The following EFCAB11 variants were observed in gnomAD, a reference collection of about 807,000 sequenced individuals.
EFCAB11 encodes EF-hand calcium binding domain 11.
In EFCAB11, 14 loss-of-function variants were observed where a neutral mutation model predicts 23.0. The observed-to-expected ratio is 0.61, with a 90% CI of 0.40 to 0.95. The LOEUF is 0.95. Ranked by LOEUF, EFCAB11 falls within the 40% of genes least tolerant of loss-of-function variation. The pLI is 0.00. For synonymous variants in EFCAB11, 65 were observed against 66.6 expected (o/e 0.98, Z 0.11); for missense variants, 198 against 195.8 (o/e 1.01, Z -0.07).
intron 5 of EFCAB11, among the ~76,000 whole-genome samples, chr14:89,885,400 C>T (rs996066321): frequency 4.1e-4 from 63 of 152,076 alleles, no homozygotes; most frequent in African/African-American, 1.4e-3. Context: ...ACCCAGCCAG[C>T]GGGCGTGGTG....
upstream of EFCAB11, chr14:89,954,762 C>A (rs1596477509): frequency 6.7e-7 from 1 of 1,495,148 alleles, no homozygotes; most frequent in South Asian, 1.3e-5. Context: ...GCTCAGGAAG[C>A]CGAACTTCAC....
chr14:89,918,064 T>G (rs1041878523), intron 5 of EFCAB11, among the ~76,000 whole-genome samples: 1 of 151,992 alleles, frequency 6.6e-6, no homozygotes. Flanking sequence ...AGGTACTTAG[T>G]TGGGGAGAGC....
At chr14:89,876,843 A>G (rs1938116735) in intron 5 of EFCAB11, among the ~76,000 whole-genome samples, 1 of 152,204 alleles carries the variant, frequency 6.6e-6, no homozygotes, top group Admixed American at 6.5e-5. Context: ...CCCAACCAAC[A>G]CTGAATGAAG....
At chr14:89,925,224 G>A (rs1460785490) in intron 5 of EFCAB11, among the ~76,000 whole-genome samples, 2 of 152,146 alleles carry the variant, frequency 1.3e-5, no homozygotes, top group Admixed American at 6.5e-5. Flanking sequence ...ACCACGCCAA[G>A]GGAAACACAG....
intron 5 of EFCAB11, among the ~76,000 whole-genome samples, chr14:89,911,103 C>CTACTTTTAGT (rs1566807527): frequency 9.9e-5 from 15 of 152,258 alleles, no homozygotes; most frequent in Admixed American, 6.5e-5. Context: ...CAACTTTTAG[C>CTACTTTTAGT]AGTATTTTAA....
chr14:89,826,775 T>C (rs1886705073), intron 5 of EFCAB11, among the ~76,000 whole-genome samples: 1 of 152,186 alleles, frequency 6.6e-6, no homozygotes, highest in South Asian at 2.1e-4. Flanking sequence ...ACATCATCAT[T>C]ACTACTATAA....
At chr14:89,947,734 T>C (rs1016422946) in intron 3 of EFCAB11, among the ~76,000 whole-genome samples, 1 of 152,180 alleles carries the variant, frequency 6.6e-6, no homozygotes, top group Non-Finnish European at 1.5e-5. Context: ...TCCTTTGCCA[T>C]TTCTTCATCT....
intron 5 of EFCAB11, among the ~76,000 whole-genome samples, chr14:89,922,979 A>C (rs1055345674): frequency 4.6e-5 from 7 of 152,252 alleles, no homozygotes; most frequent in Admixed American, 6.5e-5. Flanking sequence ...TGGGTTTAAC[A>C]TGAGAGAGGA....
At chr14:89,888,656 T>G (rs1343931214) in intron 5 of EFCAB11, among the ~76,000 whole-genome samples, 1 of 152,160 alleles carries the variant, frequency 6.6e-6, no homozygotes, top group Non-Finnish European at 1.5e-5. Context: ...CAGTTCAACA[T>G]GAGATTTGGG....
At chr14:89,941,737 TG>T (rs1283356947) in intron 3 of EFCAB11, among the ~76,000 whole-genome samples, 2 of 151,844 alleles carry the variant, frequency 1.3e-5, no homozygotes. Context: ...ACTTCTAAAA[TG>T]GGGATAGCCA....
intron 5 of EFCAB11, among the ~76,000 whole-genome samples, chr14:89,839,080 T>C (rs1428671634): frequency 2.0e-5 from 3 of 152,166 alleles, no homozygotes; most frequent in Admixed American, 6.5e-5. Context: ...ATCAGTCAGA[T>C]AGCAGGATGA....
rs149420158 is a variant in EFCAB11, at chr14:89,825,042, T to C, written c.411-27718A>G. 1.4e-3 allele frequency among the ~76,000 whole-genome samples: 198 copies of C among 142,332 alleles called. 1 individual carries two copies. The highest frequency in any genetic ancestry group is 4.8e-3 in the African/African-American group (182 of 37,762). The allele number at this position is 142,332 out of a possible 152,430, so 93.4% of individuals were successfully genotyped here. The stretch of plus-strand genomic sequence containing the variant: ...TTTATAGAGCCCCACTCCTGACACC[T>C]ACAGGATATTCATTCCGTTCAAGTG... On this transcript the variant is annotated intron_variant, in intron 5 of 5. Coordinates refer to ENST00000316738, the MANE Select transcript of EFCAB11 (RefSeq NM_145231.4).
intron 3 of EFCAB11, among the ~76,000 whole-genome samples, chr14:89,940,317 T>C: frequency 6.6e-6 from 1 of 152,238 alleles, no homozygotes; most frequent in Non-Finnish European, 1.5e-5. Context: ...CCCTGATCTT[T>C]GTTCCATAGG....
chr14:89,937,588 C>T (rs903542031), intron 3 of EFCAB11, among the ~76,000 whole-genome samples: 5 of 152,062 alleles, frequency 3.3e-5, no homozygotes, highest in African/African-American at 7.2e-5. Flanking sequence ...TGCTACAGCG[C>T]GATCTTGGCT....
At chr14:89,876,626 A>G (rs1347828094) in intron 5 of EFCAB11, among the ~76,000 whole-genome samples, 2 of 152,196 alleles carry the variant, frequency 1.3e-5, no homozygotes, top group Admixed American at 6.5e-5. Flanking sequence ...GGGTCACAAG[A>G]AAAAAGAGGG....
intron 5 of EFCAB11, chr14:89,892,021 C>T (rs1888986476): frequency 1.3e-6 from 2 of 1,533,386 alleles, no homozygotes; most frequent in Admixed American, 4.0e-5. Context: ...AGCGCTTCAG[C>T]TGCATCACCG....
intron 5 of EFCAB11, among the ~76,000 whole-genome samples, chr14:89,925,786 C>G (rs368747951): frequency 6.6e-6 from 1 of 151,934 alleles, no homozygotes; most frequent in South Asian, 2.1e-4. Context: ...GCTGGGTCTA[C>G]AGGCACGTGC....
At chr14:89,935,525 C>G (rs1431965504) in intron 3 of EFCAB11, among the ~76,000 whole-genome samples, 1 of 151,922 alleles carries the variant, frequency 6.6e-6, no homozygotes, top group African/African-American at 2.4e-5. Flanking sequence ...TTATCCCCCA[C>G]CTCAGTCTCC....
At chr14:89,947,695 T>A (rs1891029522) in intron 3 of EFCAB11, among the ~76,000 whole-genome samples, 1 of 152,324 alleles carries the variant, frequency 6.6e-6, no homozygotes, top group South Asian at 2.1e-4. Flanking sequence ...CTCTTGATTT[T>A]CCTCTTGCCC....
Sources: gnomAD v4.1 joint callset for allele counts (sites outside exome capture counted in the v4.1 genomes callset) on GRCh38, gnomAD v4.1.1 for gene constraint, MANE v1.5 for transcripts, NCBI Gene and HGNC (gene_info 2026-07-23, HGNC 2026-07-21) for gene names.